ITFG1: variants seen among roughly 807,000 people sequenced by gnomAD.
The protein encoded by ITFG1 is integrin alpha FG-GAP repeat containing 1, also known as T-cell immunomodulatory protein.
Under a neutral mutation model 81.8 loss-of-function variants are expected in ITFG1, and 34 were observed. The ratio of observed to expected loss-of-function variants is 0.42; its 90% confidence interval spans 0.32 to 0.55. ITFG1 has a LOEUF of 0.55. Ranked by LOEUF, ITFG1 falls within the 20% of genes least tolerant of loss-of-function variation. The pLI, the probability that ITFG1 is intolerant of heterozygous loss-of-function variation, is 0.17. For synonymous variants in ITFG1, 285 were observed against 270.6 expected, an observed-to-expected ratio of 1.05 and a Z score of -0.52; for missense variants, 672 against 755.4, an observed-to-expected ratio of 0.89 and a Z score of 1.29.
At chr16:47,360,298 G>T (rs907631319) in intron 8 of ITFG1, among the ~76,000 whole-genome samples, 1 of 152,016 alleles carries the variant, frequency 6.6e-6, no homozygotes, top group Non-Finnish European at 1.5e-5. Context: ...TTTCTGACTG[G>T]CAATGACAGT....
At chr16:47,370,553 G>A (rs929652628) in intron 7 of ITFG1, among the ~76,000 whole-genome samples, 3 of 152,210 alleles carry the variant, frequency 2.0e-5, no homozygotes, top group Non-Finnish European at 2.9e-5. Context: ...GCAGTTGCTG[G>A]TGTCTCCAAG....
chr16:47,459,095 G>A lies in ITFG1; in HGVS notation c.281+8C>T, dbSNP rs940217230. ...AAGTTTTATCAAAATAATCATATTT[G>A]TACTTACTTGAAAGATACCTTTACT... is the stretch of plus-strand genomic sequence containing the variant. On this transcript the variant is annotated splice_region_variant and intron_variant, in intron 2 of 17. Transcript: ENST00000320640. 6.1e-6 allele frequency: 9 copies of A among 1,480,634 alleles called. No homozygotes were observed. The highest frequency in any genetic ancestry group is 3.3e-5 in the Admixed American group (2 of 59,788). The allele number at this position is 1,480,634 out of a possible 1,614,324, so 91.7% of individuals were successfully genotyped here. A position where few individuals can be genotyped will look rare whatever the true frequency, so the allele number is the denominator to read the frequency against.
intron 6 of ITFG1, among the ~76,000 whole-genome samples, chr16:47,415,072 A>G (rs1260168296): frequency 6.6e-6 from 1 of 152,228 alleles, no homozygotes; most frequent in Non-Finnish European, 1.5e-5. Context: ...AAGAATATCA[A>G]GGGATATTAA....
chr16:47,369,324 G>A (rs1215426985), intron 7 of ITFG1, among the ~76,000 whole-genome samples: 1 of 152,194 alleles, frequency 6.6e-6, no homozygotes, highest in East Asian at 1.9e-4. Context: ...TCACTGAAAA[G>A]TTATGTCACT....
At chr16:47,336,989 G>C (rs1967712873) in intron 8 of ITFG1, among the ~76,000 whole-genome samples, 1 of 150,430 alleles carries the variant, frequency 6.6e-6, no homozygotes, top group African/African-American at 2.4e-5. Context: ...AAAAAAAGAG[G>C]CTGGGTACAG....
rs1969527723 is a variant in ITFG1 at position 47,460,886 on chromosome 16, C to T, written c.160G>A (p.Gly54Arg). The T allele has an allele frequency of 6.2e-7, 1 of 1,613,490 alleles. No homozygotes were observed. ...AEAWGTLAAF[G>R]DLNSDKQTDL... is the part of the protein sequence containing the mutation. The stretch of plus-strand genomic sequence containing the variant: ...GTCTGCTTGTCGGAGTTGAGGTCCC[C>T]GAAAGCCGCAAGGGTGCCCCAGGCC... Residue 54 changes from glycine to arginine, a missense_variant, in exon 1 of 18, where the codon GGG becomes AGG. This residue lies in a region of ITFG1 where 560 missense variants were observed against 625.7 expected (regional missense o/e 0.90). Transcript: ENST00000320640.
intron 14 of ITFG1, among the ~76,000 whole-genome samples, chr16:47,180,733 CA>C (rs1965098666): frequency 6.6e-6 from 1 of 152,166 alleles, no homozygotes; most frequent in South Asian, 2.1e-4. Flanking sequence ...CAGCTCGCTA[CA>C]ACCTCCACCT....
chr16:47,185,137 G>T (rs1445309905), intron 14 of ITFG1, among the ~76,000 whole-genome samples: 4 of 151,848 alleles, frequency 2.6e-5, no homozygotes, highest in African/African-American at 4.8e-5. Flanking sequence ...AGCAAGTCCT[G>T]AGTGACCTAC....
At chr16:47,211,915 A>G (rs1384391849) in intron 14 of ITFG1, among the ~76,000 whole-genome samples, 1 of 151,346 alleles carries the variant, frequency 6.6e-6, no homozygotes, top group Non-Finnish European at 1.5e-5. Flanking sequence ...TCTACTCACT[A>G]ATTTTTTTTC....
intron 6 of ITFG1, among the ~76,000 whole-genome samples, chr16:47,397,836 G>T (rs965729046): frequency 8.5e-5 from 13 of 152,256 alleles, no homozygotes; most frequent in African/African-American, 3.1e-4. Flanking sequence ...AGGAAGAGAG[G>T]ATCACACTGC....
rs139002172 is a variant in ITFG1 at position 47,275,633 on chromosome 16, ATCT to A, written c.1071-14941_1071-14939del. Among the ~76,000 whole-genome samples, 720 of 152,224 alleles carry A rather than the reference ATCT, an allele frequency of 4.7e-3. 6 individuals are homozygous for A. Among genetic ancestry groups the A allele is most frequent in the Non-Finnish European group, 7.2e-3 (489 of 67,968 alleles). The stretch of plus-strand genomic sequence containing the variant: ...CTAGAGAATTGTGTTTTCATATGTA[ATCT>A]TCTCCATTTTATCTTACAATATATA... On this transcript the variant is annotated intron_variant, in intron 10 of 17. Transcript: ENST00000320640.
intron 10 of ITFG1, among the ~76,000 whole-genome samples, chr16:47,273,629 A>G (rs1309900310): frequency 6.6e-6 from 1 of 152,142 alleles, no homozygotes; most frequent in Admixed American, 6.5e-5. Flanking sequence ...CCTGAATGAA[A>G]AAAGGAAGCG....
At chr16:47,400,580 G>A in intron 6 of ITFG1, among the ~76,000 whole-genome samples, 1 of 152,134 alleles carries the variant, frequency 6.6e-6, no homozygotes, top group South Asian at 2.1e-4. Flanking sequence ...CATTCTACTA[G>A]GGTACAAAGA....
intron 8 of ITFG1, among the ~76,000 whole-genome samples, chr16:47,335,291 A>G (rs1237087939): frequency 6.6e-6 from 1 of 152,158 alleles, no homozygotes; most frequent in Non-Finnish European, 1.5e-5. Context: ...TGGGAGGCGG[A>G]GGTTGCTGTG....
intron 5 of ITFG1, chr16:47,450,229 T>C (rs1263748901): frequency 5.7e-6 from 1 of 174,940 alleles, no homozygotes; most frequent in Non-Finnish European, 1.2e-5. Flanking sequence ...AAAGCAAGAC[T>C]CTCTTCAAGA....
chr16:47,325,174 GA>G (rs1217700817), intron 8 of ITFG1, among the ~76,000 whole-genome samples: 1 of 152,176 alleles, frequency 6.6e-6, no homozygotes, highest in African/African-American at 2.4e-5. Flanking sequence ...TCAGGATTAA[GA>G]AACTCACTCA....
At chr16:47,436,008 C>T (rs1969161641) in intron 5 of ITFG1, among the ~76,000 whole-genome samples, 1 of 151,538 alleles carries the variant, frequency 6.6e-6, no homozygotes, top group African/African-American at 2.4e-5. Context: ...AAAAGAATTC[C>T]AAAACAAAAC....
At chr16:47,365,920 T>C (rs1481450179) in intron 7 of ITFG1, 51 bp from the exon 8 acceptor site, 2 of 980,886 alleles carry the variant, frequency 2.0e-6, no homozygotes, top group South Asian at 1.4e-5. Context: ...CACTCATTTG[T>C]TAAGTGTAAA....
intron 5 of ITFG1, among the ~76,000 whole-genome samples, chr16:47,440,129 G>A (rs866382272): frequency 6.6e-6 from 1 of 152,240 alleles, no homozygotes; most frequent in East Asian, 1.9e-4. Context: ...TCAACAAGAA[G>A]AGCTAACTAT....
Sources: allele counts gnomAD v4.1 joint callset (sites outside exome capture counted in the v4.1 genomes callset), GRCh38; gene constraint gnomAD v4.1.1; regional missense constraint gnomAD v4.1.1; transcripts MANE v1.5; gene names NCBI Gene and HGNC (gene_info 2026-07-23, HGNC 2026-07-21).